The following DOCK3 variants were observed in gnomAD, a reference collection of about 807,000 sequenced individuals.
DOCK3 encodes dedicator of cytokinesis 3, also known as dedicator of cytokinesis protein 3.
Under a neutral mutation model 265.6 loss-of-function variants are expected in DOCK3, and 60 were observed. That is an observed-to-expected ratio of 0.23 (90% confidence interval 0.18 to 0.28). The LOEUF (loss-of-function observed/expected upper bound fraction) is 0.28. Ranked by LOEUF, DOCK3 falls within the 10% of genes least tolerant of loss-of-function variation. The probability of loss-of-function intolerance (pLI) is 1.00; values close to 1 mark genes in which losing one functional copy is unlikely to be tolerated. For synonymous variants in DOCK3, 881 were observed against 938.0 expected (o/e 0.94, Z 1.11); for missense variants, 1,981 against 2,594.3 (o/e 0.76, Z 5.14).
intron 27 of DOCK3, among the ~76,000 whole-genome samples, chr3:51,293,361 G>GA (rs2081896411): frequency 6.6e-6 from 1 of 152,100 alleles, no homozygotes; most frequent in Non-Finnish European, 1.5e-5. Context: ...AAGATGCCAA[G>GA]AACACACAAT....
At chr3:50,705,327 G>A (rs1053175468) in intron 1 of DOCK3, among the ~76,000 whole-genome samples, 2 of 152,144 alleles carry the variant, frequency 1.3e-5, no homozygotes, top group African/African-American at 4.8e-5. Flanking sequence ...TGTGTTGAGG[G>A]AGGGAGGTGA....
chr3:50,982,211 A>T (rs1033882978), intron 5 of DOCK3, among the ~76,000 whole-genome samples: 3 of 152,136 alleles, frequency 2.0e-5, no homozygotes, highest in African/African-American at 4.8e-5. Context: ...TCATATTTTT[A>T]AAAAATCCAT....
chr3:50,812,805 A>G (rs1226790626), intron 2 of DOCK3, among the ~76,000 whole-genome samples: 1 of 152,226 alleles, frequency 6.6e-6, no homozygotes, highest in Non-Finnish European at 1.5e-5. Flanking sequence ...ATATCTGGGC[A>G]TCCTGTGGCC....
intron 32 of DOCK3, among the ~76,000 whole-genome samples, chr3:51,316,236 A>T (rs558902964): frequency 6.6e-6 from 1 of 152,330 alleles, no homozygotes; most frequent in Admixed American, 6.5e-5. Context: ...TATAAATGGA[A>T]TCAAGCAAAG....
At chr3:50,932,384 C>T (rs2108151848) in intron 4 of DOCK3, among the ~76,000 whole-genome samples, 1 of 152,024 alleles carries the variant, frequency 6.6e-6, no homozygotes, top group Admixed American at 6.5e-5. Context: ...ATACATTTTC[C>T]TGTACTTTTT....
chr3:51,342,265 T>C (rs185642350), intron 38 of DOCK3, among the ~76,000 whole-genome samples: 69 of 152,342 alleles, frequency 4.5e-4, no homozygotes, highest in Admixed American at 1.2e-3. Context: ...TTGTCAAAAA[T>C]ATTCACTCAG....
At chr3:51,061,723 G>A (rs957144261) in intron 5 of DOCK3, among the ~76,000 whole-genome samples, 3 of 151,246 alleles carry the variant, frequency 2.0e-5, no homozygotes, top group Non-Finnish European at 4.4e-5. Flanking sequence ...AAAAAAAAAA[G>A]CCATGAAAAG....
chr3:50,847,935 C>G (rs1245563121), intron 3 of DOCK3, among the ~76,000 whole-genome samples: 3 of 143,108 alleles, frequency 2.1e-5, no homozygotes, highest in Non-Finnish European at 4.5e-5. Context: ...TTGTCTAAGT[C>G]TTTTCGTAGG....
chr3:50,809,829 G>A (rs941575788), intron 2 of DOCK3, among the ~76,000 whole-genome samples: 3 of 152,192 alleles, frequency 2.0e-5, no homozygotes, highest in Non-Finnish European at 4.4e-5. Context: ...AAAAAGGACA[G>A]AATCAGGCAA....
intron 9 of DOCK3, among the ~76,000 whole-genome samples, chr3:51,106,629 G>A (rs1392434819): frequency 6.6e-6 from 1 of 152,218 alleles, no homozygotes; most frequent in East Asian, 1.9e-4. Flanking sequence ...AACTAGGCAT[G>A]GAAAATAGTG....
At chr3:50,853,188 C>G (rs571553493) in intron 3 of DOCK3, among the ~76,000 whole-genome samples, 7 of 152,200 alleles carry the variant, frequency 4.6e-5, no homozygotes, top group African/African-American at 1.7e-4. Flanking sequence ...CCTTCTCTCC[C>G]TTCCCTTCCA....
intron 4 of DOCK3, among the ~76,000 whole-genome samples, chr3:50,919,105 G>A (rs1195752294): frequency 3.3e-5 from 5 of 152,150 alleles, no homozygotes; most frequent in Non-Finnish European, 7.4e-5. Flanking sequence ...GCTCTGTTCT[G>A]TTCCATTGGT....
At chr3:50,825,663 A>T (rs2044716668) in intron 2 of DOCK3, among the ~76,000 whole-genome samples, 1 of 152,126 alleles carries the variant, frequency 6.6e-6, no homozygotes, top group Non-Finnish European at 1.5e-5. Flanking sequence ...GACAGCCTTC[A>T]TCCTGTACTT....
intron 5 of DOCK3, among the ~76,000 whole-genome samples, chr3:51,034,941 A>C (rs901105268): frequency 8.5e-5 from 13 of 152,112 alleles, no homozygotes; most frequent in South Asian, 4.1e-4. Context: ...ATCATGTGAT[A>C]TCAGTGATCA....
At chr3:50,800,502 T>G (rs1205559057) in intron 2 of DOCK3, among the ~76,000 whole-genome samples, 1 of 152,174 alleles carries the variant, frequency 6.6e-6, no homozygotes, top group Non-Finnish European at 1.5e-5. Flanking sequence ...AATGAGCCTT[T>G]GTATTTCCAT....
intron 49 of DOCK3, among the ~76,000 whole-genome samples, chr3:51,364,976 G>A (rs932047823): frequency 2.0e-5 from 3 of 152,052 alleles, no homozygotes; most frequent in South Asian, 2.1e-4. Context: ...GCTCTTTTTT[G>A]GTTCCATATG....
chr3:51,356,891 C>A (rs1188592545), intron 43 of DOCK3, 71 bp from the exon 44 acceptor site: 1 of 1,496,294 alleles, frequency 6.7e-7, no homozygotes, highest in African/African-American at 1.4e-5. Flanking sequence ...GATCTTAGAC[C>A]CCAGCTCTCA....
chr3:51,348,845 G>A lies in DOCK3; in HGVS notation c.3916-7G>A, dbSNP rs917891680. The A allele has an allele frequency of 7.0e-6, 11 of 1,569,284 alleles. No homozygotes were observed. Among genetic ancestry groups the A allele is most frequent in the Non-Finnish European group, 9.5e-6 (11 of 1,156,814 alleles). On this transcript the variant is annotated splice_region_variant and splice_polypyrimidine_tract_variant and intron_variant, in intron 38 of 52. Transcript: ENST00000266037. ...ATGCTGAAGCCCTGTTTCTGTTTCT[G>A]ACACAGAGCTGGGAGTTTGGGATCC...
intron 3 of DOCK3, among the ~76,000 whole-genome samples, chr3:50,874,305 C>G (rs920152895): frequency 5.3e-5 from 8 of 151,508 alleles, no homozygotes; most frequent in African/African-American, 1.9e-4. Context: ...AGTTCGAGAC[C>G]AGCCTAAGCA....
Sources: gnomAD v4.1 joint callset for allele counts (sites outside exome capture counted in the v4.1 genomes callset) on GRCh38, gnomAD v4.1.1 for gene constraint, MANE v1.5 for transcripts, NCBI Gene and HGNC (gene_info 2026-07-23, HGNC 2026-07-21) for gene names.